PPM1L: variants seen among roughly 807,000 people sequenced by gnomAD.
The protein encoded by PPM1L is protein phosphatase, Mg2+/Mn2+ dependent 1L.
Under a neutral mutation model 31.4 loss-of-function variants are expected in PPM1L, and 13 were observed. The ratio of observed to expected loss-of-function variants is 0.41; its 90% CI spans 0.27 to 0.66. The LOEUF (loss-of-function observed/expected upper bound fraction) is 0.66, where lower values mean the gene tolerates loss of function less well. Among genes scored for constraint, PPM1L ranks in the 30% least tolerant of loss-of-function variants. The pLI is 0.29. For missense variants in PPM1L, 326 were observed against 453.7 expected (o/e 0.72, Z 2.56); for synonymous variants, 184 against 175.4 (o/e 1.05, Z -0.39).
chr3:160,858,382 G>T (rs1253936159), intron 1 of PPM1L, among the ~76,000 whole-genome samples: 4 of 152,076 alleles, frequency 2.6e-5, no homozygotes, highest in African/African-American at 7.2e-5. Context: ...GAGTAGCTAG[G>T]ATTGCAGGAG....
At chr3:160,980,003 A>G (rs1716741828) in intron 2 of PPM1L, among the ~76,000 whole-genome samples, 2 of 152,070 alleles carry the variant, frequency 1.3e-5, no homozygotes, top group South Asian at 4.1e-4. Flanking sequence ...CTTCTACCAT[A>G]GGTGCTTGGT....
intron 1 of PPM1L, among the ~76,000 whole-genome samples, chr3:160,865,943 T>C (rs1279664080): frequency 6.6e-6 from 1 of 152,214 alleles, no homozygotes; most frequent in African/African-American, 2.4e-5. Flanking sequence ...ATATTAAATA[T>C]GTATCTCTTA....
At chr3:160,855,161 T>C (rs922420528) in intron 1 of PPM1L, among the ~76,000 whole-genome samples, 3 of 152,180 alleles carry the variant, frequency 2.0e-5, no homozygotes, top group Non-Finnish European at 1.5e-5. Context: ...CTGGGATAAC[T>C]GGCTAGCCCT....
chr3:161,027,420 A>G (rs1349239244), intron 2 of PPM1L, among the ~76,000 whole-genome samples: 1 of 152,164 alleles, frequency 6.6e-6, no homozygotes, highest in Non-Finnish European at 1.5e-5. Context: ...ACGTACAGTT[A>G]GTTAGTTCCC....
At chr3:160,805,906 C>T (rs942573073) in intron 1 of PPM1L, among the ~76,000 whole-genome samples, 1 of 152,144 alleles carries the variant, frequency 6.6e-6, no homozygotes, top group African/African-American at 2.4e-5. Flanking sequence ...ACCAGATTCT[C>T]AGCATCTCTT....
At chr3:160,833,236 G>T (rs905944844) in intron 1 of PPM1L, among the ~76,000 whole-genome samples, 14 of 152,200 alleles carry the variant, frequency 9.2e-5, no homozygotes, top group African/African-American at 3.4e-4. Context: ...ACATAAGTAT[G>T]CATGTATCTT....
intron 2 of PPM1L, among the ~76,000 whole-genome samples, chr3:161,044,653 G>A (rs1297729335): frequency 1.3e-5 from 2 of 152,080 alleles, no homozygotes; most frequent in Non-Finnish European, 2.9e-5. Flanking sequence ...ACCAGTACCA[G>A]CCACTGCAAA....
chr3:160,868,048 G>A (rs1182946733), intron 1 of PPM1L, among the ~76,000 whole-genome samples: 2 of 152,174 alleles, frequency 1.3e-5, no homozygotes, highest in Non-Finnish European at 2.9e-5. Flanking sequence ...TTTGTTGGAA[G>A]TTGAGAAGTA....
At chr3:160,854,879 CAAAAAA>C (rs33923660) in intron 1 of PPM1L, among the ~76,000 whole-genome samples, 1 of 95,626 alleles carries the variant, frequency 1.0e-5, no homozygotes, top group Non-Finnish European at 2.2e-5. Context: ...CATGTGGAAC[CAAAAAA>C]AAAAAAAAAA....
At chr3:160,868,402 A>G (rs1477181369) in intron 1 of PPM1L, among the ~76,000 whole-genome samples, 1 of 152,210 alleles carries the variant, frequency 6.6e-6, no homozygotes, top group Admixed American at 6.5e-5. Flanking sequence ...CGGGGGAACT[A>G]GAGAATTAGG....
rs751276244 is a variant in PPM1L at position 160,756,723 on chromosome 3, G to A, written c.399+16G>A. ...CGGGGGAGAGGTAGGAGCTACCCCG[G>A]GGCTTTGTATTTGTGTCCGTGTATG... On this transcript the variant is annotated intron_variant, in intron 1 of 3. Coordinates refer to ENST00000498165, the MANE Select transcript of PPM1L (RefSeq NM_139245.4). This position sits in a 1 kb window ranked among gnomAD's most constrained non-coding sequence, Gnocchi z 6.2. The A allele has an allele frequency of 1.2e-6, 2 of 1,605,628 alleles. No homozygotes were observed. The highest frequency in any genetic ancestry group is 8.5e-7 in the Non-Finnish European group (1 of 1,176,696).
At chr3:160,897,985 G>A (rs1713405861) in intron 1 of PPM1L, among the ~76,000 whole-genome samples, 1 of 151,900 alleles carries the variant, frequency 6.6e-6, no homozygotes, top group South Asian at 2.1e-4. Flanking sequence ...TTAATATATG[G>A]CATGTACCCT....
chr3:161,071,686 T>TA lies in PPM1L; in HGVS notation c.*2533dup, dbSNP rs1719923606. On this transcript the variant is annotated 3_prime_UTR_variant, in exon 4 of 4. Transcript: ENST00000498165. ...TAATAGTTGTTAGGATAGTTATATCTAAAATCAGAGTATTTTGTTCCCTTC... is the reference window on the plus strand; with the variant it reads ...TAATAGTTGTTAGGATAGTTATATCTAAAAATCAGAGTATTTTGTTCCCTTC... The TA allele has an allele frequency of 6.6e-6, 1 of 152,244 alleles. No homozygotes were observed. Among genetic ancestry groups the TA allele is most frequent in the South Asian group, 2.1e-4 (1 of 4,834 alleles). The allele number at this position is 152,244 out of a possible 1,614,324, so 9.4% of individuals were successfully genotyped here. A position where few individuals can be genotyped will look rare whatever the true frequency, so the allele number is the denominator to read the frequency against.
At chr3:160,945,237 C>G (rs756974199) in intron 1 of PPM1L, among the ~76,000 whole-genome samples, 8 of 151,388 alleles carry the variant, frequency 5.3e-5, no homozygotes, top group Non-Finnish European at 1.2e-4. Flanking sequence ...TGGTAACTAT[C>G]TTAGGCTTTG....
chr3:160,897,769 G>C (rs891879484), intron 1 of PPM1L, among the ~76,000 whole-genome samples: 1 of 152,202 alleles, frequency 6.6e-6, no homozygotes, highest in Admixed American at 6.5e-5. Context: ...GGAAATAGCA[G>C]AGCTAAAAGC....
chr3:160,814,363 A>C lies in PPM1L; in HGVS notation c.399+57656A>C, dbSNP rs1195728897. Among the ~76,000 whole-genome samples, 3 of 152,100 alleles carry C rather than the reference A, an allele frequency of 2.0e-5. No individual in the cohort carries two copies. In the East Asian group the frequency reaches 5.8e-4, roughly 29 times the overall value. On this transcript the variant is annotated intron_variant, in intron 1 of 3. Transcript: ENST00000498165. ...AAAGTGACGGACTTGTCGTTATATG[A>C]AAAAGACACTCGCACATGCATGTTT...
chr3:161,052,150 T>C (rs1262303794), intron 2 of PPM1L, among the ~76,000 whole-genome samples: 1 of 152,238 alleles, frequency 6.6e-6, no homozygotes, highest in East Asian at 1.9e-4. Context: ...TCCAGTTAGC[T>C]TCTTATTCAG....
At chr3:160,842,394 C>T (rs1301999012) in intron 1 of PPM1L, 4 of 683,322 alleles carry the variant, frequency 5.9e-6, no homozygotes, top group Non-Finnish European at 1.1e-5. Flanking sequence ...TTGGGAGGGG[C>T]TTTGAATGCC....
chr3:160,889,696 C>CA (rs1389186242), intron 1 of PPM1L, among the ~76,000 whole-genome samples: 2 of 152,012 alleles, frequency 1.3e-5, no homozygotes, highest in East Asian at 1.9e-4. Context: ...GAAACACACG[C>CA]AAAAAAACAA....
Sources: allele counts gnomAD v4.1 joint callset (sites outside exome capture counted in the v4.1 genomes callset), GRCh38; gene constraint gnomAD v4.1.1; non-coding constraint Gnocchi (gnomAD v3.1); transcripts MANE v1.5; gene names NCBI Gene and HGNC (gene_info 2026-07-23, HGNC 2026-07-21).